Variants in SMOC2 observed in about 807,000 individuals in gnomAD.
The protein encoded by SMOC2 is SPARC-related modular calcium-binding protein 2.
Under a neutral mutation model 61.4 loss-of-function variants are expected in SMOC2, and 39 were observed. The ratio of observed to expected loss-of-function variants is 0.64; its 90% confidence interval spans 0.49 to 0.83. SMOC2 has a LOEUF of 0.83. Ranked by LOEUF, SMOC2 falls within the 40% of genes least tolerant of loss-of-function variation. The probability of loss-of-function intolerance (pLI) is 0.00; values close to 1 mark genes in which losing one functional copy is unlikely to be tolerated. For synonymous variants in SMOC2, 247 were observed against 239.9 expected, an observed-to-expected ratio of 1.03 and a Z score of -0.27; for missense variants, 556 against 592.9, an observed-to-expected ratio of 0.94 and a Z score of 0.65.
Position 168,442,295 on chromosome 6 carries a change from G to A in SMOC2, c.84+841G>A, listed in dbSNP as rs377758838. On this transcript the variant is annotated intron_variant, in intron 1 of 12. Transcript: ENST00000356284. ...CGCTGTGTGTTTTTCTTTCTGAGCTGTAACTTCTATGCGACAGCCTTGGCC... is the reference window on the plus strand; with the variant it reads ...CGCTGTGTGTTTTTCTTTCTGAGCTATAACTTCTATGCGACAGCCTTGGCC... Among the ~76,000 whole-genome samples the A allele has an allele frequency of 7.9e-5, 12 of 152,358 alleles. No homozygotes were observed. In the East Asian group the frequency reaches 2.3e-3, roughly 29 times the overall value.
At chr6:168,586,660 G>C (rs1266795830) in intron 7 of SMOC2, among the ~76,000 whole-genome samples, 1 of 152,092 alleles carries the variant, frequency 6.6e-6, no homozygotes. Context: ...TTTCAGCAAT[G>C]CTTTTAGTTT....
chr6:168,570,051 C>T lies in SMOC2; in HGVS notation c.637+20848C>T, dbSNP rs207467598. ...TAAAGGCGTAAGGTCCGTGTCTAGA[C>T]GGCATTCTCTTTGTGTGCGGATGTC... On this transcript the variant is annotated intron_variant, in intron 7 of 12. Transcript: ENST00000356284. Among the ~76,000 whole-genome samples, 51 of 151,528 alleles carry T rather than the reference C, an allele frequency of 3.4e-4. No individual in the cohort carries two copies. In the East Asian group the frequency reaches 4.5e-3, roughly 13 times the overall value.
chr6:168,492,435 A>T (rs1782489829), intron 1 of SMOC2, among the ~76,000 whole-genome samples: 2 of 152,272 alleles, frequency 1.3e-5, no homozygotes, highest in Non-Finnish European at 2.9e-5. Flanking sequence ...GCCAAGGGGC[A>T]AATTCGCACA....
chr6:168,510,418 T>C (rs1184672816), intron 2 of SMOC2, among the ~76,000 whole-genome samples: 6 of 152,246 alleles, frequency 3.9e-5, no homozygotes, highest in Admixed American at 3.9e-4. Context: ...AAGTGGGATG[T>C]GTACAATAGC....
At chr6:168,649,597 G>T (rs1342444157) in intron 9 of SMOC2, among the ~76,000 whole-genome samples, 1 of 152,190 alleles carries the variant, frequency 6.6e-6, no homozygotes, top group Non-Finnish European at 1.5e-5. Flanking sequence ...AGCTCCGTTT[G>T]TCACCTCTCC....
chr6:168,514,164 C>T (rs1783075087), intron 2 of SMOC2, among the ~76,000 whole-genome samples: 1 of 152,192 alleles, frequency 6.6e-6, no homozygotes, highest in Non-Finnish European at 1.5e-5. Context: ...AATTTGTTTA[C>T]TCTGCATCTG....
intron 11 of SMOC2, among the ~76,000 whole-genome samples, chr6:168,660,346 A>G (rs1787477028): frequency 6.6e-6 from 1 of 152,192 alleles, no homozygotes; most frequent in African/African-American, 2.4e-5. Context: ...TCCTTCTAGG[A>G]CTGGTCCGCA....
chr6:168,599,310 C>CAG (rs536892801), intron 8 of SMOC2, among the ~76,000 whole-genome samples: 1 of 134,884 alleles, frequency 7.4e-6, no homozygotes, highest in Non-Finnish European at 1.6e-5. Flanking sequence ...CACACACACA[C>CAG]CCCCACACTG....
intron 1 of SMOC2, among the ~76,000 whole-genome samples, chr6:168,462,520 C>T (rs35869530): frequency 0.041 from 6,284 of 152,008 alleles, 512 homozygotes; most frequent in East Asian, 0.3. Flanking sequence ...CCCCTGTCCT[C>T]CCAGCAGGTC....
chr6:168,627,087 C>G (rs1241783806), intron 9 of SMOC2, among the ~76,000 whole-genome samples: 1 of 152,126 alleles, frequency 6.6e-6, no homozygotes, highest in Admixed American at 6.5e-5. Flanking sequence ...AAAAATCTAG[C>G]CCAAGAAAAA....
chr6:168,636,245 C>A (rs995737863), intron 9 of SMOC2, among the ~76,000 whole-genome samples: 6 of 152,156 alleles, frequency 3.9e-5, no homozygotes, highest in Admixed American at 2.6e-4. Context: ...GGATGAGTGG[C>A]ATGGTGCTCG....
chr6:168,522,932 G>A (rs187532308), intron 2 of SMOC2, among the ~76,000 whole-genome samples: 8 of 152,190 alleles, frequency 5.3e-5, no homozygotes, highest in East Asian at 1.9e-4. Context: ...GCAGCTTAAC[G>A]GGCATTCTTT....
intron 1 of SMOC2, among the ~76,000 whole-genome samples, chr6:168,506,675 G>C (rs1390015083): frequency 6.6e-6 from 1 of 152,048 alleles, no homozygotes; most frequent in African/African-American, 2.4e-5. Context: ...CCTTACACCT[G>C]GGCTCCTCGC....
At chr6:168,651,450 GT>G (rs574983719) in intron 10 of SMOC2, among the ~76,000 whole-genome samples, 9 of 152,234 alleles carry the variant, frequency 5.9e-5, no homozygotes, top group African/African-American at 2.2e-4. Flanking sequence ...GAACCCCAGG[GT>G]TTTACTGCGA....
chr6:168,546,235 A>G (rs996534342), intron 5 of SMOC2, among the ~76,000 whole-genome samples: 6 of 145,506 alleles, frequency 4.1e-5, no homozygotes, highest in Admixed American at 2.1e-4. Flanking sequence ...ACAAAATGAT[A>G]TAAGCAAGCT....
chr6:168,441,243 G>C lies in SMOC2; in HGVS notation c.-128G>C. 1 of 1,333,440 alleles carries C rather than the reference G, an allele frequency of 7.5e-7. No individual in the cohort carries two copies. Among genetic ancestry groups the C allele is most frequent in the Non-Finnish European group, 9.6e-7 (1 of 1,044,484 alleles). 82.6% of individuals were successfully genotyped at this position (1,333,440 alleles called of 1,614,324 possible). ...TGCTCCAGCCGGGCCGCCGGGAGCGGTGGGGAGAGCATCGCGGAGCCGCCC... is the reference window on the plus strand; with the variant it reads ...TGCTCCAGCCGGGCCGCCGGGAGCGCTGGGGAGAGCATCGCGGAGCCGCCC... On this transcript the variant is annotated 5_prime_UTR_variant, in exon 1 of 13. Coordinates refer to ENST00000356284, the MANE Select transcript of SMOC2 (RefSeq NM_001166412.2).
intron 11 of SMOC2, chr6:168,655,526 G>T (rs1207217489): frequency 2.4e-6 from 1 of 424,610 alleles, no homozygotes; most frequent in Non-Finnish European, 4.8e-6. Context: ...CACTGCACAT[G>T]CGTGCTAGAT....
intron 7 of SMOC2, among the ~76,000 whole-genome samples, chr6:168,558,854 T>C (rs563230248): frequency 1.8e-3 from 230 of 126,740 alleles, no homozygotes; most frequent in Non-Finnish European, 2.4e-3. Flanking sequence ...TATGTGCGCG[T>C]GTGCGCATGT....
At chr6:168,565,750 A>G (rs985809054) in intron 7 of SMOC2, among the ~76,000 whole-genome samples, 2 of 152,136 alleles carry the variant, frequency 1.3e-5, no homozygotes, top group Admixed American at 6.5e-5. Context: ...GGCACCACCA[A>G]CGCCATCACC....
Sources: allele counts gnomAD v4.1 joint callset (sites outside exome capture counted in the v4.1 genomes callset), GRCh38; gene constraint gnomAD v4.1.1; transcripts MANE v1.5; gene names NCBI Gene and HGNC (gene_info 2026-07-23, HGNC 2026-07-21).